The following NOTCH2 variants were observed in gnomAD, a reference collection of about 807,000 sequenced individuals.
The protein encoded by NOTCH2 is notch receptor 2, also known as neurogenic locus notch homolog protein 2.
NOTCH2 carries 29 observed loss-of-function variants against 235.8 expected under a neutral mutation model. That is an observed-to-expected ratio of 0.12 (90% confidence interval 0.09 to 0.17). The LOEUF (loss-of-function observed/expected upper bound fraction) is 0.17. Among genes scored for constraint, NOTCH2 ranks in the 10% least tolerant of loss-of-function variants. NOTCH2 has a pLI of 1.00. For synonymous variants in NOTCH2, 1,086 were observed against 1,141.5 expected, an observed-to-expected ratio of 0.95 and a Z score of 0.98; for missense variants, 2,285 against 3,150.2, an observed-to-expected ratio of 0.73 and a Z score of 6.57.
chr1:120,014,473 C>A (rs1409598183), intron 2 of NOTCH2, among the ~76,000 whole-genome samples: 1 of 148,784 alleles, frequency 6.7e-6, no homozygotes, highest in African/African-American at 2.5e-5. Context: ...TTCAAACATA[C>A]GCATGGGGTT....
chr1:119,980,068 T>C (rs1297509442), intron 5 of NOTCH2, among the ~76,000 whole-genome samples: 2 of 152,204 alleles, frequency 1.3e-5, no homozygotes, highest in Non-Finnish European at 2.9e-5. Context: ...TCGCATGATA[T>C]CAACATCTGG....
rs930390191 is a variant in NOTCH2, at chr1:119,912,815, A to T, written c.*2491T>A. ...TTCAAGAGTTCTTAAAATCTAAGAG[A>T]TCAGTAAAAAGTTTGAAAGGCAGTG... is the stretch of plus-strand genomic sequence containing the variant. On this transcript the variant is annotated 3_prime_UTR_variant, in exon 34 of 34. Transcript: ENST00000256646. 4.3e-5 allele frequency: 10 copies of T among 233,464 alleles called. No homozygotes were observed. In the Admixed American group the frequency reaches 4.5e-4, roughly 11 times the overall value. The allele number at this position is 233,464 out of a possible 1,614,324, so 14.5% of individuals were successfully genotyped here.
At chr1:119,919,832 G>A (rs1182914383) in intron 30 of NOTCH2, among the ~76,000 whole-genome samples, 1 of 152,120 alleles carries the variant, frequency 6.6e-6, no homozygotes, top group African/African-American at 2.4e-5. Context: ...TAAGCTGGGG[G>A]CTCTTCTCTA....
At chr1:120,044,357 CCAGA>C (rs2101379415) in intron 1 of NOTCH2, among the ~76,000 whole-genome samples, 1 of 105,588 alleles carries the variant, frequency 9.5e-6, no homozygotes, top group African/African-American at 3.5e-5. Context: ...AATAAACTAT[CCAGA>C]CACATACCCT....
intron 5 of NOTCH2, among the ~76,000 whole-genome samples, chr1:119,978,628 T>C (rs1553201267): frequency 6.6e-6 from 1 of 152,200 alleles, no homozygotes; most frequent in African/African-American, 2.4e-5. Flanking sequence ...CCATGGAGGC[T>C]GGGCCAGTAC....
At chr1:120,026,012 T>A (rs1420895042) in intron 2 of NOTCH2, among the ~76,000 whole-genome samples, 1 of 140,584 alleles carries the variant, frequency 7.1e-6, no homozygotes, top group Non-Finnish European at 1.5e-5. Context: ...TGACAGTAGT[T>A]ATTTAACAGC....
chr1:119,915,236 A>G lies in NOTCH2; in HGVS notation c.*70T>C. ...AGAGATTTCTTCATTTCTCTCCCGG[A>G]TGACCTTCATTTGTTCCTCAGCAGC... On this transcript the variant is annotated 3_prime_UTR_variant, in exon 34 of 34. Coordinates refer to ENST00000256646, the MANE Select transcript of NOTCH2 (RefSeq NM_024408.4). 6.7e-7 allele frequency: 1 copy of G among 1,483,112 alleles called. No homozygotes were observed. The highest frequency in any genetic ancestry group is 9.4e-7 in the Non-Finnish European group (1 of 1,067,892). 91.9% of individuals were successfully genotyped at this position (1,483,112 alleles called of 1,614,324 possible).
chr1:119,917,823 A>C, intron 32 of NOTCH2, 61 bp from the exon 33 acceptor site: 1 of 1,039,274 alleles, frequency 9.6e-7, no homozygotes, highest in Non-Finnish European at 1.5e-6. Context: ...AGACACTATG[A>C]CTTGCACAAT....
At chr1:119,933,033 AAAAC>A (rs782282358) in intron 22 of NOTCH2, among the ~76,000 whole-genome samples, 3 of 152,254 alleles carry the variant, frequency 2.0e-5, no homozygotes, top group South Asian at 4.1e-4. Context: ...CAAAAAAGTA[AAAAC>A]AAACAAAATC....
At chr1:119,937,735 C>T (rs1246089031) in intron 20 of NOTCH2, 122 bp downstream of exon 20, 3 of 1,101,982 alleles carry the variant, frequency 2.7e-6, no homozygotes, top group Non-Finnish European at 4.0e-6. Flanking sequence ...TCCCCAGAGC[C>T]CTGCCCACCC....
At chr1:120,060,474 A>T (rs868914744) in intron 1 of NOTCH2, among the ~76,000 whole-genome samples, 1,076 of 140,856 alleles carry the variant, frequency 7.6e-3, no homozygotes, top group African/African-American at 0.03. Flanking sequence ...TATATATAAA[A>T]ATAAATCAAC....
chr1:120,043,312 A>G (rs868976609), intron 1 of NOTCH2, among the ~76,000 whole-genome samples: 1 of 151,786 alleles, frequency 6.6e-6, no homozygotes, highest in Non-Finnish European at 1.5e-5. Context: ...CAGTGATCTC[A>G]TTTGATCCCC....
intron 5 of NOTCH2, among the ~76,000 whole-genome samples, chr1:119,979,317 C>A (rs1175798119): frequency 6.6e-6 from 1 of 152,032 alleles, no homozygotes; most frequent in Non-Finnish European, 1.5e-5. Context: ...GACAACTCTA[C>A]AACAAATGAA....
intron 24 of NOTCH2, 152 bp from the exon 25 acceptor site, chr1:119,925,962 T>A: frequency 2.2e-6 from 2 of 906,166 alleles, no homozygotes; most frequent in Non-Finnish European, 3.5e-6. Context: ...CCTTTTGGTA[T>A]CTCCCGAGGC....
Position 119,916,475 on chromosome 1 carries a change from C to T in NOTCH2, c.6247G>A (p.Val2083Ile). 1 of 1,612,760 alleles carries T rather than the reference C, an allele frequency of 6.2e-7. No homozygotes were observed. The highest frequency in any genetic ancestry group is 2.2e-5 in the East Asian group (1 of 44,854). The change falls in exon 34 of 34, where the codon GTC becomes ATC. Residue 2083 changes from valine to isoleucine, a missense_variant. Val to Ile is a conservative substitution (Grantham distance 29, BLOSUM62 3). Transcript: ENST00000256646. ...AAAGATCTGTTGGGCCCACAGATGA[C>T]AGGTGAGAGAGCAGAAGTCAACACG... ...GTVLTSALSP[V>I]ICGPNRSFLS...
rs186870080 is a variant in NOTCH2 at position 119,951,948 on chromosome 1, A to G, written c.2366-1111T>C. 1.7e-4 allele frequency among the ~76,000 whole-genome samples: 26 copies of G among 152,372 alleles called. No individual in the cohort carries two copies. The East Asian group carries it at 3.7e-3, about 21-fold the overall frequency. ...TTGAAATCTACAAGTTTCTTTGCCA[A>G]TGTAATACAATATATCAGAAAATTA... On this transcript the variant is annotated intron_variant, in intron 14 of 33. Coordinates refer to ENST00000256646, the MANE Select transcript of NOTCH2 (RefSeq NM_024408.4).
intron 5 of NOTCH2, among the ~76,000 whole-genome samples, chr1:119,973,083 T>C (rs1164641212): frequency 1.3e-5 from 2 of 152,204 alleles, no homozygotes; most frequent in South Asian, 4.1e-4. Context: ...CTTTGGACCA[T>C]GCATCTGTTC....
At chr1:120,004,676 T>C (rs587737166) in intron 3 of NOTCH2, among the ~76,000 whole-genome samples, 4 of 152,206 alleles carry the variant, frequency 2.6e-5, no homozygotes, top group South Asian at 2.1e-4. Context: ...GGGAGGGAGA[T>C]TTCTAAAAGC....
At chr1:120,029,322 A>G (rs1251048597) in intron 2 of NOTCH2, among the ~76,000 whole-genome samples, 4 of 151,884 alleles carry the variant, frequency 2.6e-5, no homozygotes, top group Admixed American at 2.0e-4. Flanking sequence ...TGAAAAACAC[A>G]AGGGAATCTA....
Sources: gnomAD v4.1 joint callset for allele counts (sites outside exome capture counted in the v4.1 genomes callset) on GRCh38, gnomAD v4.1.1 for gene constraint, MANE v1.5 for transcripts, NCBI Gene and HGNC (gene_info 2026-07-23, HGNC 2026-07-21) for gene names.